Variants in SPTAN1 observed in about 807,000 individuals in gnomAD.
SPTAN1 encodes spectrin alpha chain, non-erythrocytic 1.
SPTAN1 carries 61 observed loss-of-function variants against 331.3 expected under a neutral mutation model. The ratio of observed to expected loss-of-function variants is 0.18; its 90% CI spans 0.15 to 0.23. The LOEUF (loss-of-function observed/expected upper bound fraction) is 0.23. SPTAN1 is among the 10% of genes least tolerant of loss of function. SPTAN1 has a pLI of 1.00. For synonymous variants in SPTAN1, 1,153 were observed against 1,173.9 expected (o/e 0.98, Z 0.36); for missense variants, 2,043 against 3,147.9 (o/e 0.65, Z 8.40).
chr9:128,617,737 G>C lies in SPTAN1; in HGVS notation c.5455G>C (p.Ala1819Pro), dbSNP rs777267488. The change falls in exon 42 of 57, where the codon GCT (alanine) becomes CCT (proline). Residue 1819 changes from alanine to proline, a missense_variant. Transcript: ENST00000372739. ...GCACAAGCGGCTGGAAGCAGAACTGGCTGCGCATGAGCCGGCTATTCAGGT... is the reference window on the plus strand; with the variant it reads ...GCACAAGCGGCTGGAAGCAGAACTGCCTGCGCATGAGCCGGCTATTCAGGT... The part of the protein sequence containing the change: ...KKHKRLEAEL[A>P]AHEPAIQGVL... 1.2e-6 allele frequency: 2 copies of C among 1,614,158 alleles called. No homozygotes were observed. Among genetic ancestry groups the C allele is most frequent in the Non-Finnish European group, 1.7e-6 (2 of 1,180,036 alleles).
chr9:128,625,132 G>A lies in SPTAN1; in HGVS notation c.6022G>A (p.Asp2008Asn). The A allele has an allele frequency of 6.2e-7, 1 of 1,614,232 alleles. No homozygotes were observed. The change falls in exon 47 of 57, where the codon GAT becomes AAT. Residue 2008 changes from aspartate to asparagine, a missense_variant. Around this residue, in one of 12 missense-constraint regions of SPTAN1, gnomAD observed 256 missense variants for 376.4 expected, o/e 0.68. Transcript: ENST00000372739. The surrounding 1 kb of genome is among the most constrained non-coding windows in gnomAD (Gnocchi z 4.1). ...AAAGGAGAACAGCTTGAAGACAGAT[G>A]ATTATGGCCGAGACCTGTCTTCTGT... The part of the protein sequence containing the change: ...GEKENSLKTD[D>N]YGRDLSSVQT...
chr9:128,571,135 T>G (rs930196412), intron 3 of SPTAN1, among the ~76,000 whole-genome samples: 2 of 151,610 alleles, frequency 1.3e-5, no homozygotes, highest in Non-Finnish European at 2.9e-5. Flanking sequence ...AAAAAAAATT[T>G]AAAAATTAGT....
rs796053320 is a variant in SPTAN1, at chr9:128,617,752, G to A, written c.5470G>A (p.Ala1824Thr). Residue 1824 changes from alanine (A) to threonine (T), a missense_variant, in exon 42 of 57, where the codon GCT (alanine) becomes ACT (threonine). Ala to Thr is a moderately conservative substitution (Grantham distance 58). This residue lies in a region of SPTAN1 where 323 missense variants were observed against 581.1 expected (regional missense o/e 0.56). Coordinates refer to ENST00000372739, the MANE Select transcript of SPTAN1 (RefSeq NM_001130438.3). Reference protein sequence around the residue: ...LEAELAAHEPAIQGVLDTGKK... With the variant: ...LEAELAAHEPTIQGVLDTGKK... ...AGCAGAACTGGCTGCGCATGAGCCG[G>A]CTATTCAGGTAAGGAGGCCGCCTTC... is the stretch of plus-strand genomic sequence containing the variant. The A allele has an allele frequency of 6.2e-7, 1 of 1,614,018 alleles. No homozygotes were observed. The highest frequency in any genetic ancestry group is 8.5e-7 in the Non-Finnish European group (1 of 1,180,008).
At chr9:128,560,873 G>T (rs141473604) in intron 1 of SPTAN1, among the ~76,000 whole-genome samples, 9 of 151,728 alleles carry the variant, frequency 5.9e-5, no homozygotes, top group African/African-American at 1.9e-4. Context: ...AAAATTAGTC[G>T]CGTGTGGTGG....
intron 26 of SPTAN1, 96 bp downstream of exon 26, chr9:128,599,082 T>G (rs1589273237): frequency 2.5e-6 from 3 of 1,199,690 alleles, no homozygotes. Flanking sequence ...AGAATTGCTG[T>G]TCCTGAACCT....
rs1451735295 is a variant in SPTAN1, at chr9:128,609,037, G to A, written c.4595+60G>A. On this transcript the variant is annotated intron_variant, in intron 35 of 56. Transcript: ENST00000372739. The stretch of plus-strand genomic sequence containing the variant: ...CCTGAGAGGATGCATCCCCTCATAC[G>A]AAGGCCCAGGCCTGTTCTGTCTCCC... 1.2e-5 allele frequency: 19 copies of A among 1,613,576 alleles called. No homozygotes were observed. In the South Asian group the frequency reaches 1.4e-4, roughly 12 times the overall value.
chr9:128,595,022 C>T (rs1854076381), intron 24 of SPTAN1, among the ~76,000 whole-genome samples: 2 of 151,642 alleles, frequency 1.3e-5, no homozygotes, highest in Admixed American at 1.3e-4. Flanking sequence ...ATTGGTCAGG[C>T]TGGTCTCAAA....
chr9:128,605,992 CAAA>C (rs55642110), intron 31 of SPTAN1, among the ~76,000 whole-genome samples: 2 of 134,426 alleles, frequency 1.5e-5, no homozygotes, highest in Non-Finnish European at 1.6e-5. Flanking sequence ...AACTCCATCT[CAAA>C]AAAAAAAAAA....
intron 56 of SPTAN1, 64 bp from the exon 57 acceptor site, chr9:128,633,145 G>C: frequency 6.2e-7 from 1 of 1,611,600 alleles, no homozygotes; most frequent in Non-Finnish European, 8.5e-7. Flanking sequence ...CCTGAGACCT[G>C]GGAGGTCGGG....
chr9:128,603,368 T>C (rs1318949577), intron 27 of SPTAN1, among the ~76,000 whole-genome samples, 175 bp from the exon 28 acceptor site: 1 of 152,220 alleles, frequency 6.6e-6, no homozygotes, highest in Non-Finnish European at 1.5e-5. Context: ...TTTGGGTATT[T>C]TCATGACATT....
At chr9:128,590,547 T>TAAAAAAA (rs766776858) in intron 21 of SPTAN1, among the ~76,000 whole-genome samples, 2 of 104,182 alleles carry the variant, frequency 1.9e-5, no homozygotes, top group Admixed American at 1.2e-4. Context: ...CTATTTATAT[T>TAAAAAAA]AAAAAAGAAA....
chr9:128,632,110 G>C lies in SPTAN1; in HGVS notation c.6763-17G>C. The stretch of plus-strand genomic sequence containing the variant: ...TGAGGGCCCCCGTCTGAGCATCTGT[G>C]CTCCCCACCCCTGCAGCGCAAGCAC... On this transcript the variant is annotated splice_polypyrimidine_tract_variant and intron_variant, in intron 52 of 56. Coordinates refer to ENST00000372739, the MANE Select transcript of SPTAN1 (RefSeq NM_001130438.3). 1.2e-6 allele frequency: 2 copies of C among 1,612,128 alleles called. No homozygotes were observed. The highest frequency in any genetic ancestry group is 1.7e-6 in the Non-Finnish European group (2 of 1,179,596).
At chr9:128,590,152 C>T (rs1483777793) in intron 21 of SPTAN1, among the ~76,000 whole-genome samples, 1 of 152,196 alleles carries the variant, frequency 6.6e-6, no homozygotes, top group Non-Finnish European at 1.5e-5. Context: ...AGTTTATTCC[C>T]ATTCCCACAC....
In SPTAN1 at chr9:128,582,689, T is replaced by C; in HGVS notation, c.1651-5T>C. On this transcript the variant is annotated splice_region_variant and splice_polypyrimidine_tract_variant and intron_variant, in intron 13 of 56. Transcript: ENST00000372739. ...AGAGACTCACAGGGGATCCTTGTCT[T>C]TCAGCTGTTGAGCCGCCGCAATGCC... 2 of 1,613,034 alleles carry C rather than the reference T, an allele frequency of 1.2e-6. No individual in the cohort carries two copies. The highest frequency in any genetic ancestry group is 1.7e-6 in the Non-Finnish European group (2 of 1,180,034).
At chr9:128,609,393 G>A in intron 36 of SPTAN1, 109 bp downstream of exon 36, 6 of 1,528,076 alleles carry the variant, frequency 3.9e-6, no homozygotes, top group Non-Finnish European at 5.4e-6. Flanking sequence ...TGGGAAGTCA[G>A]TGAGAAATAT....
intron 45 of SPTAN1, among the ~76,000 whole-genome samples, chr9:128,622,617 T>A (rs990072746): frequency 1.3e-5 from 2 of 152,060 alleles, no homozygotes; most frequent in Admixed American, 1.3e-4. Context: ...GGCTGCTTTG[T>A]CCTCAGCGAC....
At chr9:128,600,052 C>T in intron 26 of SPTAN1, 28 bp from the exon 27 acceptor site, 1 of 1,614,076 alleles carries the variant, frequency 6.2e-7, no homozygotes, top group Non-Finnish European at 8.5e-7. Context: ...AATTGCTTGG[C>T]TGCCTAAATT....
intron 17 of SPTAN1, 46 bp downstream of exon 17, chr9:128,584,571 G>A (rs1218372627): frequency 6.2e-7 from 1 of 1,614,062 alleles, no homozygotes; most frequent in South Asian, 1.1e-5. Context: ...GAAAGGCTGT[G>A]CTATTGTAGC....
At chr9:128,616,479 G>A (rs1362480350) in intron 41 of SPTAN1, among the ~76,000 whole-genome samples, 1 of 150,768 alleles carries the variant, frequency 6.6e-6, no homozygotes, top group Non-Finnish European at 1.5e-5. Flanking sequence ...CTTAAAAGAC[G>A]TTTGTGGCCG....
Sources: allele counts gnomAD v4.1 joint callset (sites outside exome capture counted in the v4.1 genomes callset), GRCh38; gene constraint gnomAD v4.1.1; regional missense constraint gnomAD v4.1.1; non-coding constraint Gnocchi (gnomAD v3.1); transcripts MANE v1.5; gene names NCBI Gene and HGNC (gene_info 2026-07-23, HGNC 2026-07-21).